Variants in LINGO2 observed in about 807,000 individuals in gnomAD.
The protein encoded by LINGO2 is leucine rich repeat and Ig domain containing 2, also known as leucine-rich repeat and immunoglobulin-like domain-containing nogo receptor-interacting protein 2.
A neutral mutation model predicts 30.6 loss-of-function variants in LINGO2; 14 were observed. The ratio of observed to expected loss-of-function variants is 0.46; its 90% confidence interval spans 0.30 to 0.72. The LOEUF is 0.72. Ranked by LOEUF, LINGO2 falls within the 30% of genes least tolerant of loss-of-function variation. The pLI, the probability that LINGO2 is intolerant of heterozygous loss-of-function variation, is 0.07. For missense variants in LINGO2, 729 were observed against 751.7 expected (o/e 0.97, Z 0.35); for synonymous variants, 317 against 288.5 (o/e 1.10, Z -1.00).
intron 4 of LINGO2, among the ~76,000 whole-genome samples, chr9:28,118,117 T>C (rs1289961276): frequency 6.6e-6 from 1 of 151,970 alleles, no homozygotes; most frequent in Non-Finnish European, 1.5e-5. Context: ...TTAGAAAGAA[T>C]AGCTAACACA....
chr9:28,654,329 G>A (rs1313623708), intron 1 of LINGO2, among the ~76,000 whole-genome samples: 2 of 152,038 alleles, frequency 1.3e-5, no homozygotes, highest in Non-Finnish European at 2.9e-5. Context: ...TTTAATTAAT[G>A]TATAGCATAT....
intron 2 of LINGO2, among the ~76,000 whole-genome samples, chr9:28,390,461 A>C (rs952456466): frequency 1.3e-4 from 20 of 152,300 alleles, no homozygotes; most frequent in Admixed American, 7.2e-4. Context: ...AAATGGCATG[A>C]CAAATACTTT....
chr9:28,278,746 C>T (rs1395247545), intron 4 of LINGO2, among the ~76,000 whole-genome samples: 7 of 152,236 alleles, frequency 4.6e-5, no homozygotes, highest in African/African-American at 1.7e-4. Context: ...TGTTTTCATG[C>T]CTATTAACAC....
At chr9:28,284,754 T>A (rs1823446608) in intron 4 of LINGO2, among the ~76,000 whole-genome samples, 1 of 152,218 alleles carries the variant, frequency 6.6e-6, no homozygotes, top group South Asian at 2.1e-4. Flanking sequence ...TAACATTTCA[T>A]TTAGTTGCTT....
At chr9:28,790,113 T>A in the LINGO2 span, among the ~76,000 whole-genome samples, 1 of 152,112 alleles carries the variant, frequency 6.6e-6, no homozygotes, top group African/African-American at 2.4e-5. Context: ...CTAAGTAGCA[T>A]AATGAAATCT....
At chr9:28,040,443 TTG>T (rs1824148086) in intron 4 of LINGO2, among the ~76,000 whole-genome samples, 2 of 151,170 alleles carry the variant, frequency 1.3e-5, no homozygotes, top group Non-Finnish European at 2.9e-5. Context: ...TTTTTTTTTT[TTG>T]GACAGGGATT....
the LINGO2 span, among the ~76,000 whole-genome samples, chr9:28,705,211 C>A: frequency 6.6e-6 from 1 of 152,052 alleles, no homozygotes; most frequent in Admixed American, 6.6e-5. Context: ...GACACCATGC[C>A]CGGCCACCTT....
At chr9:28,016,106 C>T (rs1255263770) in intron 4 of LINGO2, among the ~76,000 whole-genome samples, 2 of 151,782 alleles carry the variant, frequency 1.3e-5, no homozygotes, top group Non-Finnish European at 2.9e-5. Flanking sequence ...GATTTTGTGA[C>T]CAATGACCTG....
the LINGO2 span, among the ~76,000 whole-genome samples, chr9:28,696,144 C>T: frequency 2.0e-5 from 3 of 151,858 alleles, no homozygotes; most frequent in Non-Finnish European, 4.4e-5. Flanking sequence ...CCAAAGCTAT[C>T]CTAAGCTACA....
chr9:27,955,724 TATGA>T (rs1819529259), intron 5 of LINGO2, among the ~76,000 whole-genome samples: 1 of 152,100 alleles, frequency 6.6e-6, no homozygotes, highest in Non-Finnish European at 1.5e-5. Flanking sequence ...CAAGAGCTGC[TATGA>T]ATATTAATAT....
the LINGO2 span, among the ~76,000 whole-genome samples, chr9:28,798,649 C>G: frequency 6.6e-6 from 1 of 152,174 alleles, no homozygotes; most frequent in South Asian, 2.1e-4. Context: ...GAACATAAAT[C>G]TAACCTGGAA....
the LINGO2 span, among the ~76,000 whole-genome samples, chr9:28,776,688 A>G: frequency 1.3e-5 from 2 of 152,128 alleles, no homozygotes; most frequent in African/African-American, 4.8e-5. Flanking sequence ...GATGAACTAA[A>G]CAGACACTGT....
At chr9:28,642,595 T>C (rs2135940061) in intron 1 of LINGO2, among the ~76,000 whole-genome samples, 1 of 152,214 alleles carries the variant, frequency 6.6e-6, no homozygotes, top group East Asian at 1.9e-4. Flanking sequence ...TTCTACTTTC[T>C]TAAAAAAATA....
Position 28,051,298 on chromosome 9 carries a change from A to G in LINGO2, c.-86-38893T>C, listed in dbSNP as rs1331261431. Among the ~76,000 whole-genome samples, 6 of 152,052 alleles carry G rather than the reference A, an allele frequency of 3.9e-5. No homozygotes were observed. The South Asian group carries it at 1.0e-3, about 26-fold the overall frequency. The stretch of plus-strand genomic sequence containing the variant: ...GTATTGGGTCAAGTTCATAAAACAT[A>G]TGACAAATCCCTCCGTCTCTGCAGA... On this transcript the variant is annotated intron_variant, in intron 4 of 5. Coordinates refer to ENST00000379992, the Ensembl canonical transcript of LINGO2.
chr9:28,469,512 A>G (rs79775316), intron 2 of LINGO2, among the ~76,000 whole-genome samples: 1 of 152,158 alleles, frequency 6.6e-6, no homozygotes, highest in Admixed American at 6.5e-5. Context: ...ACAAGAAGAG[A>G]CATTACAATC....
intron 1 of LINGO2, among the ~76,000 whole-genome samples, chr9:28,629,412 C>T (rs1826829376): frequency 1.3e-5 from 2 of 151,948 alleles, no homozygotes; most frequent in South Asian, 2.1e-4. Flanking sequence ...CTTTACGATC[C>T]TCTTGTTTCC....
chr9:29,028,112 T>A, the LINGO2 span, among the ~76,000 whole-genome samples: 1 of 152,174 alleles, frequency 6.6e-6, no homozygotes, highest in Admixed American at 6.5e-5. Flanking sequence ...CTCACTATCA[T>A]CAAACTCACA....
At chr9:28,992,172 T>C in the LINGO2 span, among the ~76,000 whole-genome samples, 93 of 151,668 alleles carry the variant, frequency 6.1e-4, 1 homozygote, top group African/African-American at 2.0e-3. Context: ...TGGAGGAAGA[T>C]CTACCAAGCA....
the LINGO2 span, among the ~76,000 whole-genome samples, chr9:28,681,071 C>CA: frequency 6.6e-6 from 1 of 152,004 alleles, no homozygotes; most frequent in African/African-American, 2.4e-5. Flanking sequence ...TTTGAAGTTT[C>CA]ACGTCTTATA....
Sources: gnomAD v4.1 joint callset for allele counts (sites outside exome capture counted in the v4.1 genomes callset) on GRCh38, gnomAD v4.1.1 for gene constraint, MANE v1.5 for transcripts, NCBI Gene and HGNC (gene_info 2026-07-23, HGNC 2026-07-21) for gene names.